The following SGCZ variants were observed in gnomAD, a reference collection of about 807,000 sequenced individuals.
The protein encoded by SGCZ is sarcoglycan zeta.
SGCZ carries 40 observed loss-of-function variants against 41.3 expected under a neutral mutation model. The observed-to-expected ratio is 0.97, with a 90% CI of 0.75 to 1.26. The LOEUF is 1.26. Among genes scored for constraint, SGCZ ranks in the 50% most tolerant of loss-of-function variants. The pLI is 0.00. For synonymous variants in SGCZ, 206 were observed against 137.5 expected, an observed-to-expected ratio of 1.50 and a Z score of -3.49; for missense variants, 552 against 369.8, an observed-to-expected ratio of 1.49 and a Z score of -4.04.
chr8:14,561,717 C>T lies in SGCZ; in HGVS notation c.40-6791G>A, dbSNP rs1426144342. ...CGCATTGCTTATATTACTTTAAATG[C>T]ATTTACTTGGATCCTCCTGCAATTC... On this transcript the variant is annotated intron_variant, in intron 1 of 7. Transcript: ENST00000382080. Among the ~76,000 whole-genome samples, 3 of 152,164 alleles carry T rather than the reference C, an allele frequency of 2.0e-5. 1 individual carries two copies. Among genetic ancestry groups the T allele is most frequent in the Admixed American group, 1.3e-4 (2 of 15,282 alleles).
chr8:14,714,027 G>A (rs921780590), intron 1 of SGCZ, among the ~76,000 whole-genome samples: 7 of 152,056 alleles, frequency 4.6e-5, no homozygotes, highest in African/African-American at 1.7e-4. Context: ...GAGTGCAATG[G>A]TGCGATCTCA....
Position 14,487,421 on chromosome 8 carries a change from T to C in SGCZ, c.234+67311A>G, listed in dbSNP as rs1370864079. Among the ~76,000 whole-genome samples, 13 of 129,126 alleles carry C rather than the reference T, an allele frequency of 1.0e-4. No homozygotes were observed. The East Asian group carries it at 2.6e-3, about 26-fold the overall frequency. The allele number at this position is 129,126 out of a possible 152,430, so 84.7% of individuals were successfully genotyped here. ...GCAAAGTATAGCACTTTATGCAATA[T>C]AGATACCATAACATTGCCTCTCTTA... is the stretch of plus-strand genomic sequence containing the variant. On this transcript the variant is annotated intron_variant, in intron 2 of 7. Coordinates refer to ENST00000382080, the MANE Select transcript of SGCZ (RefSeq NM_139167.4).
At chr8:14,554,617 A>G in intron 2 of SGCZ, 115 bp downstream of exon 2, 1 of 881,766 alleles carries the variant, frequency 1.1e-6, no homozygotes. Flanking sequence ...TGGGATTTAA[A>G]AACACACACT....
intron 4 of SGCZ, among the ~76,000 whole-genome samples, chr8:14,189,969 C>T (rs1297032586): frequency 6.6e-6 from 1 of 150,984 alleles, no homozygotes. Flanking sequence ...TTAGGTTCAT[C>T]CATGTTGTCA....
intron 1 of SGCZ, among the ~76,000 whole-genome samples, chr8:14,963,198 T>C (rs1024007362): frequency 2.6e-5 from 4 of 152,118 alleles, no homozygotes; most frequent in South Asian, 2.1e-4. Flanking sequence ...ACACCATATA[T>C]GGCATACACC....
intron 1 of SGCZ, among the ~76,000 whole-genome samples, chr8:14,614,853 A>T (rs955829193): frequency 6.6e-6 from 1 of 152,176 alleles, no homozygotes; most frequent in Non-Finnish European, 1.5e-5. Flanking sequence ...AAACCAAATT[A>T]TATGTAATGT....
intron 1 of SGCZ, among the ~76,000 whole-genome samples, chr8:14,760,773 A>C (rs566202703): frequency 1.3e-5 from 2 of 152,180 alleles, no homozygotes; most frequent in East Asian, 1.9e-4. Flanking sequence ...AATTATCTCT[A>C]ATGTTGCAAT....
intron 1 of SGCZ, among the ~76,000 whole-genome samples, chr8:14,560,473 G>A (rs1162474821): frequency 6.6e-6 from 1 of 152,040 alleles, no homozygotes; most frequent in Non-Finnish European, 1.5e-5. Context: ...GAGGAGCATA[G>A]GAGAAAGCTG....
chr8:14,407,718 A>G (rs921331058), intron 2 of SGCZ, among the ~76,000 whole-genome samples: 4 of 152,140 alleles, frequency 2.6e-5, no homozygotes, highest in African/African-American at 9.7e-5. Context: ...GAAGATTCCC[A>G]TTTGTTGTGA....
chr8:14,776,415 C>T (rs1374129526), intron 1 of SGCZ, among the ~76,000 whole-genome samples: 1 of 152,188 alleles, frequency 6.6e-6, no homozygotes, highest in East Asian at 1.9e-4. Flanking sequence ...CTGCCTTCAC[C>T]GTGACTGAGT....
intron 1 of SGCZ, among the ~76,000 whole-genome samples, chr8:15,180,272 C>T (rs1800129720): frequency 6.6e-6 from 1 of 152,112 alleles, no homozygotes; most frequent in African/African-American, 2.4e-5. Flanking sequence ...AAGTTCTTTT[C>T]TACATAGACA....
intron 5 of SGCZ, among the ~76,000 whole-genome samples, chr8:14,148,896 C>T (rs1474923519): frequency 2.0e-5 from 3 of 152,016 alleles, no homozygotes; most frequent in Non-Finnish European, 4.4e-5. Flanking sequence ...ACAAACCAAT[C>T]GATGTGGTAC....
intron 2 of SGCZ, among the ~76,000 whole-genome samples, chr8:14,410,086 G>C (rs1403202407): frequency 6.6e-6 from 1 of 152,076 alleles, no homozygotes; most frequent in African/African-American, 2.4e-5. Context: ...ACCAGGGGTG[G>C]CGTTAGATTC....
chr8:14,627,709 A>C (rs2117388267), intron 1 of SGCZ, among the ~76,000 whole-genome samples: 1 of 151,916 alleles, frequency 6.6e-6, no homozygotes, highest in Admixed American at 6.6e-5. Context: ...CACCCAGCTG[A>C]TCTGTATAGG....
intron 1 of SGCZ, among the ~76,000 whole-genome samples, chr8:14,757,579 T>C (rs1799719827): frequency 6.6e-6 from 1 of 152,082 alleles, no homozygotes. Context: ...GCCTGGTACA[T>C]AAAAAGGAGG....
At chr8:14,717,207 A>G (rs1809719284) in intron 1 of SGCZ, among the ~76,000 whole-genome samples, 1 of 152,110 alleles carries the variant, frequency 6.6e-6, no homozygotes, top group Admixed American at 6.6e-5. Context: ...AGTATGAAAC[A>G]TTCAATACCA....
chr8:14,198,101 G>A (rs1016575303), intron 4 of SGCZ, among the ~76,000 whole-genome samples: 8 of 152,142 alleles, frequency 5.3e-5, no homozygotes, highest in Admixed American at 1.3e-4. Flanking sequence ...GAAAATTCCA[G>A]AAAGAAACAA....
chr8:14,942,377 A>G (rs1800304299), intron 1 of SGCZ, among the ~76,000 whole-genome samples: 1 of 152,174 alleles, frequency 6.6e-6, no homozygotes, highest in African/African-American at 2.4e-5. Flanking sequence ...TTAGACTGGT[A>G]GGATAGCTAC....
At position 14,656,447 on chromosome 8, in the gene SGCZ, C is replaced by T. The variant is rs113327000; in HGVS notation, c.40-101521G>A. ...TTCCTTCCTCCCCCCTCTATCCCTC[C>T]CTTCCTTCTTTTCTTTTCGTTTTTT... On this transcript the variant is annotated intron_variant, in intron 1 of 7. Transcript: ENST00000382080. Among the ~76,000 whole-genome samples the T allele has an allele frequency of 7.7e-3, 1,116 of 144,852 alleles. 16 individuals are homozygous for T. Among genetic ancestry groups the T allele is most frequent in the African/African-American group, 0.028 (1,065 of 38,502 alleles).
Sources: allele counts gnomAD v4.1 joint callset (sites outside exome capture counted in the v4.1 genomes callset), GRCh38; gene constraint gnomAD v4.1.1; transcripts MANE v1.5; gene names NCBI Gene and HGNC (gene_info 2026-07-23, HGNC 2026-07-21).